Variants in NOL4 observed in about 807,000 individuals in gnomAD.
The protein encoded by NOL4 is cancer/testis antigen 125.
NOL4 carries 17 observed loss-of-function variants against 75.9 expected under a neutral mutation model. That is an observed-to-expected ratio of 0.22 (90% CI 0.15 to 0.34). The LOEUF (loss-of-function observed/expected upper bound fraction) is 0.34, where lower values mean the gene tolerates loss of function less well. Ranked by LOEUF, NOL4 falls within the 10% of genes least tolerant of loss-of-function variation. NOL4 has a pLI of 1.00. For synonymous variants in NOL4, 292 were observed against 289.9 expected, an observed-to-expected ratio of 1.01 and a Z score of -0.07; for missense variants, 614 against 793.5, an observed-to-expected ratio of 0.77 and a Z score of 2.72.
intron 9 of NOL4, among the ~76,000 whole-genome samples, chr18:33,915,788 T>A (rs769483501): frequency 6.6e-6 from 1 of 152,152 alleles, no homozygotes; most frequent in African/African-American, 2.4e-5. Flanking sequence ...TTGGAACTAG[T>A]AGGGCTCTCC....
intron 4 of NOL4, among the ~76,000 whole-genome samples, chr18:34,098,053 T>G (rs2078870472): frequency 6.6e-6 from 1 of 152,084 alleles, no homozygotes. Flanking sequence ...AGGTTGGGGT[T>G]TTTTTTATGG....
At chr18:33,948,038 C>G (rs889050489) in intron 8 of NOL4, among the ~76,000 whole-genome samples, 3 of 151,884 alleles carry the variant, frequency 2.0e-5, no homozygotes, top group African/African-American at 7.2e-5. Flanking sequence ...TGAACTTCAG[C>G]TGTACATTTA....
At chr18:33,904,289 G>T (rs2065905283) in intron 9 of NOL4, among the ~76,000 whole-genome samples, 1 of 151,986 alleles carries the variant, frequency 6.6e-6, no homozygotes. Context: ...TAAAAGCTTG[G>T]TCATTGATGC....
At chr18:34,053,130 A>G (rs548262664) in intron 5 of NOL4, among the ~76,000 whole-genome samples, 48 of 152,134 alleles carry the variant, frequency 3.2e-4, no homozygotes, top group African/African-American at 1.1e-3. Context: ...AACTCTTAAA[A>G]TACTGAAGAA....
chr18:33,976,644 G>A (rs1013299974), intron 6 of NOL4, among the ~76,000 whole-genome samples: 3 of 152,210 alleles, frequency 2.0e-5, no homozygotes, highest in East Asian at 1.9e-4. Flanking sequence ...ATGAAAAAAA[G>A]TTATGCATAC....
At chr18:33,860,193 C>T (rs1174857551) in intron 10 of NOL4, among the ~76,000 whole-genome samples, 1 of 152,066 alleles carries the variant, frequency 6.6e-6, no homozygotes, top group Non-Finnish European at 1.5e-5. Flanking sequence ...AATAACTTCC[C>T]ACCAGGTCCC....
intron 8 of NOL4, among the ~76,000 whole-genome samples, chr18:33,955,641 G>A (rs17754377): frequency 0.15 from 22,524 of 151,970 alleles, 2,102 homozygotes; most frequent in East Asian, 0.39. Flanking sequence ...TCCCGGTGTT[G>A]AGAACAGGTA....
chr18:34,194,896 C>T (rs113067518), intron 1 of NOL4, among the ~76,000 whole-genome samples: 5,960 of 151,810 alleles, frequency 0.039, 149 homozygotes, highest in African/African-American at 0.069. Flanking sequence ...TGGTAGTACA[C>T]GCCTGTAATC....
At chr18:34,085,102 A>G (rs1181539646) in intron 5 of NOL4, among the ~76,000 whole-genome samples, 1 of 152,252 alleles carries the variant, frequency 6.6e-6, no homozygotes, top group Admixed American at 6.5e-5. Flanking sequence ...GTCTGATTCT[A>G]TAATATAGCT....
intron 9 of NOL4, among the ~76,000 whole-genome samples, chr18:33,887,883 T>A (rs1457352885): frequency 2.0e-5 from 3 of 152,174 alleles, no homozygotes; most frequent in African/African-American, 7.2e-5. Flanking sequence ...TAAACATACG[T>A]GTGCATGTGT....
chr18:34,045,243 A>G (rs2076313021), intron 5 of NOL4, among the ~76,000 whole-genome samples: 1 of 152,146 alleles, frequency 6.6e-6, no homozygotes, highest in Admixed American at 6.6e-5. Context: ...TCTTGGTTGA[A>G]TAAATTAATA....
intron 6 of NOL4, among the ~76,000 whole-genome samples, chr18:33,964,922 G>T (rs1470193381): frequency 6.6e-6 from 1 of 152,058 alleles, no homozygotes; most frequent in Non-Finnish European, 1.5e-5. Flanking sequence ...TATTAAAGGA[G>T]ATTTAAGAGA....
intron 2 of NOL4, among the ~76,000 whole-genome samples, chr18:34,125,474 A>G (rs919977764): frequency 5.3e-5 from 8 of 152,158 alleles, no homozygotes; most frequent in African/African-American, 1.9e-4. Flanking sequence ...AGTTGACAAA[A>G]ATTCTGGGAA....
At chr18:34,193,234 CA>C (rs541367530) in intron 1 of NOL4, among the ~76,000 whole-genome samples, 56 of 151,826 alleles carry the variant, frequency 3.7e-4, no homozygotes, top group Non-Finnish European at 5.4e-4. Context: ...CAAAACACAG[CA>C]AAAAAAGCAG....
chr18:34,098,743 A>T (rs900242893), intron 4 of NOL4, among the ~76,000 whole-genome samples: 1 of 152,126 alleles, frequency 6.6e-6, no homozygotes, highest in Non-Finnish European at 1.5e-5. Context: ...TTTTAAGTGG[A>T]TGTGTTGCAC....
chr18:34,081,805 T>C (rs894792572), intron 5 of NOL4, among the ~76,000 whole-genome samples: 2 of 152,186 alleles, frequency 1.3e-5, no homozygotes, highest in Admixed American at 1.3e-4. Flanking sequence ...TGAAAGAAAC[T>C]GTCAAAAGTC....
intron 4 of NOL4, among the ~76,000 whole-genome samples, chr18:34,097,599 G>A (rs2145596816): frequency 6.6e-6 from 1 of 152,198 alleles, no homozygotes; most frequent in South Asian, 2.1e-4. Flanking sequence ...TTTGAAATGT[G>A]GTTAGTGTGA....
chr18:34,009,359 TC>T (rs2074243426), intron 6 of NOL4, among the ~76,000 whole-genome samples: 1 of 151,910 alleles, frequency 6.6e-6, no homozygotes, highest in Non-Finnish European at 1.5e-5. Flanking sequence ...CTTAAATAAA[TC>T]AATGTTCTTC....
At chr18:34,130,521 G>C (rs1411935470) in intron 1 of NOL4, among the ~76,000 whole-genome samples, 1 of 151,746 alleles carries the variant, frequency 6.6e-6, no homozygotes, top group East Asian at 1.9e-4. Context: ...TATCAGTATT[G>C]GTCTAAAGAA....
Sources: gnomAD v4.1 joint callset for allele counts (sites outside exome capture counted in the v4.1 genomes callset) on GRCh38, gnomAD v4.1.1 for gene constraint, MANE v1.5 for transcripts, NCBI Gene and HGNC (gene_info 2026-07-23, HGNC 2026-07-21) for gene names.